Variants in ITPRIP observed in about 807,000 individuals in gnomAD.
The protein encoded by ITPRIP is inositol 1,4,5-trisphosphate receptor-interacting protein.
A neutral mutation model predicts 35.8 loss-of-function variants in ITPRIP; 32 were observed. That is an observed-to-expected ratio of 0.89 (90% CI 0.68 to 1.20). ITPRIP has a LOEUF of 1.20. Ranked by LOEUF, ITPRIP falls within the 50% of genes most tolerant of loss-of-function variation. The pLI is 0.00. For missense variants in ITPRIP, 653 were observed against 735.6 expected (o/e 0.89, Z 1.30); for synonymous variants, 358 against 324.0 (o/e 1.11, Z -1.13).
rs1388627843 is a variant in ITPRIP at position 104,312,847 on chromosome 10, T to C, written c.*1561A>G. ...AGTTGGTTATGCTCTCGGGAAGGCA[T>C]GGCCGGCTTAAACCCTGGAGGAACA... On this transcript the variant is annotated 3_prime_UTR_variant, in exon 2 of 2. Transcript: ENST00000337478. 1.0e-6 allele frequency: 1 copy of C among 985,290 alleles called. No individual in the cohort carries two copies. The highest frequency in any genetic ancestry group is 1.2e-6 in the Non-Finnish European group (1 of 829,964). The allele number at this position is 985,290 out of a possible 1,614,324, so 61.0% of individuals were successfully genotyped here.
At chr10:104,330,187 A>C (rs1281442437) in intron 1 of ITPRIP, among the ~76,000 whole-genome samples, 1 of 152,256 alleles carries the variant, frequency 6.6e-6, no homozygotes, top group Non-Finnish European at 1.5e-5. Flanking sequence ...CTTGCTGAAT[A>C]CATGAATGGA....
At chr10:104,321,779 A>G (rs1248210143) in intron 1 of ITPRIP, among the ~76,000 whole-genome samples, 1 of 150,452 alleles carries the variant, frequency 6.6e-6, no homozygotes, top group East Asian at 2.0e-4. Context: ...TGGGTTAACC[A>G]AAGTCCAAGA....
intron 1 of ITPRIP, among the ~76,000 whole-genome samples, chr10:104,322,516 G>A (rs902077147): frequency 3.9e-5 from 6 of 152,238 alleles, no homozygotes; most frequent in Non-Finnish European, 7.3e-5. Flanking sequence ...GCTGGGCCCA[G>A]TATCTGTGTC....
intron 1 of ITPRIP, among the ~76,000 whole-genome samples, chr10:104,322,616 G>A (rs544825703): frequency 1.3e-5 from 2 of 152,276 alleles, no homozygotes; most frequent in South Asian, 4.1e-4. Flanking sequence ...GGAGGGTGGG[G>A]CTCCTGCAGT....
rs2013536789 is a variant in ITPRIP at position 104,313,336 on chromosome 10, CTACTGTCT to C, written c.*1064_*1071del. The C allele has an allele frequency of 8.1e-6, 8 of 986,342 alleles. No homozygotes were observed. The highest frequency in any genetic ancestry group is 9.6e-6 in the Non-Finnish European group (8 of 830,500). 61.1% of individuals were successfully genotyped at this position (986,342 alleles called of 1,614,324 possible). On this transcript the variant is annotated 3_prime_UTR_variant, in exon 2 of 2. Transcript: ENST00000337478. ...TTTTTGAGCACCTCATCGAAGGAGT[CTACTGTCT>C]TACAGCAGAGACTTCGCTGCAGGAC...
At chr10:104,320,118 TCCCTTTC>T (rs2013806355) in intron 1 of ITPRIP, among the ~76,000 whole-genome samples, 1 of 152,150 alleles carries the variant, frequency 6.6e-6, no homozygotes, top group African/African-American at 2.4e-5. Context: ...AGAATCTCCT[TCCCTTTC>T]CAGGTCTCTC....
At chr10:104,325,433 C>T (rs1426700104) in intron 1 of ITPRIP, among the ~76,000 whole-genome samples, 1 of 152,202 alleles carries the variant, frequency 6.6e-6, no homozygotes, top group Non-Finnish European at 1.5e-5. Flanking sequence ...CAAACCTAGG[C>T]CTGATTACTC....
Position 104,314,783 on chromosome 10 carries a change from G to T in ITPRIP, c.1269C>A (p.Thr423=), listed in dbSNP as rs528588716. ...SFLLSKQSRL[T]GPSGLSSYHL... ...GGTAGCTGCTGAGCCCGCTGGGACC[G>T]GTCAGGCGGCTCTGCTTGGAGAGCA... Residue 423 remains threonine (T), a synonymous_variant, in exon 2 of 2, where the codon ACC becomes ACA. Transcript: ENST00000337478. 2 of 1,613,880 alleles carry T rather than the reference G, an allele frequency of 1.2e-6. No individual in the cohort carries two copies. The highest frequency in any genetic ancestry group is 1.7e-6 in the Non-Finnish European group (2 of 1,180,010).
Position 104,313,708 on chromosome 10 carries a change from T to C in ITPRIP, c.*700A>G, listed in dbSNP as rs1202461305. 5 of 985,178 alleles carry C rather than the reference T, an allele frequency of 5.1e-6. No individual in the cohort carries two copies. Among genetic ancestry groups the C allele is most frequent in the Non-Finnish European group, 6.0e-6 (5 of 829,932 alleles). The allele number at this position is 985,178 out of a possible 1,614,324, so 61.0% of individuals were successfully genotyped here. On this transcript the variant is annotated 3_prime_UTR_variant, in exon 2 of 2. Transcript: ENST00000337478. Reference sequence around the variant, plus strand: ...GAAGGGGGTGCACCTGAGTGAGAAGTGTAGGGTGCAGCTGAGTGAGAAGTG... The same window carrying C: ...GAAGGGGGTGCACCTGAGTGAGAAGCGTAGGGTGCAGCTGAGTGAGAAGTG...
chr10:104,315,147 T>C lies in ITPRIP; in HGVS notation c.905A>G (p.Lys302Arg), dbSNP rs1278569738. ...SLYLDTMQVM[K>R]WFQTALTRAW... ...TCTGGTGAGGGCCGTCTGGAACCAC[T>C]TCATGACCTGCATCGTGTCCAGGTA... is the stretch of plus-strand genomic sequence containing the variant. Residue 302 changes from lysine to arginine, a missense_variant, in exon 2 of 2, where the codon AAG becomes AGG. Transcript: ENST00000337478. This position sits in a 1 kb window ranked among gnomAD's most constrained non-coding sequence, Gnocchi z 5.7. 1 of 1,614,114 alleles carries C rather than the reference T, an allele frequency of 6.2e-7. No homozygotes were observed. The highest frequency in any genetic ancestry group is 8.5e-7 in the Non-Finnish European group (1 of 1,179,982).
At position 104,328,369 on chromosome 10, in the gene ITPRIP, G is replaced by A; in HGVS notation, c.-14+9877C>T. The A allele has an allele frequency of 2.4e-6, 2 of 829,646 alleles. No homozygotes were observed. The highest frequency in any genetic ancestry group is 2.9e-6 in the Non-Finnish European group (2 of 687,998). 51.4% of individuals were successfully genotyped at this position (829,646 alleles called of 1,614,324 possible). ...GAATACCCACCTTGGGGCAGGACAT[G>A]CCAGAGTTCCCAAGAGTCGTCCCCT... On this transcript the variant is annotated intron_variant, in intron 1 of 1. Transcript: ENST00000337478. The surrounding 1 kb of genome is among the most constrained non-coding windows in gnomAD (Gnocchi z 4.1).
In ITPRIP at chr10:104,313,168, T is replaced by C; in HGVS notation, c.*1240A>G. 1 of 985,486 alleles carries C rather than the reference T, an allele frequency of 1.0e-6. No homozygotes were observed. Among genetic ancestry groups the C allele is most frequent in the Non-Finnish European group, 1.2e-6 (1 of 830,016 alleles). 61.0% of individuals were successfully genotyped at this position (985,486 alleles called of 1,614,324 possible). A position where few individuals can be genotyped will look rare whatever the true frequency, so the allele number is the denominator to read the frequency against. ...CCTGCAGACTGGAGCTAGGTTTCCA[T>C]AGTTCTTGCTTCCATGCACACCCTG... On this transcript the variant is annotated 3_prime_UTR_variant, in exon 2 of 2. Transcript: ENST00000337478.
chr10:104,320,574 G>C (rs1315165998), intron 1 of ITPRIP, among the ~76,000 whole-genome samples: 1 of 139,496 alleles, frequency 7.2e-6, no homozygotes, highest in Non-Finnish European at 1.5e-5. Flanking sequence ...GTCTCACTCT[G>C]TCGCCTGGGC....
rs142344646 is a variant in ITPRIP, at chr10:104,327,312, T to C, written c.-14+10934A>G. Among the ~76,000 whole-genome samples the C allele has an allele frequency of 2.5e-4, 38 of 152,190 alleles. No individual in the cohort carries two copies. In the East Asian group the frequency reaches 6.8e-3, roughly 27 times the overall value. ...CAACCCTGCACGTCTCCCCTCCCCA[T>C]TTCAAGGGAGTCTTGTTTCCATGGG... On this transcript the variant is annotated intron_variant, in intron 1 of 1. Coordinates refer to ENST00000337478, the MANE Select transcript of ITPRIP (RefSeq NM_001272013.2).
intron 1 of ITPRIP, among the ~76,000 whole-genome samples, chr10:104,317,253 T>C (rs2013716171): frequency 6.6e-6 from 1 of 152,206 alleles, no homozygotes; most frequent in South Asian, 2.1e-4. Context: ...TTCTTAATTG[T>C]GAAAGGAGGC....
intron 1 of ITPRIP, among the ~76,000 whole-genome samples, chr10:104,325,738 C>T (rs531508688): frequency 1.1e-4 from 16 of 152,298 alleles, no homozygotes; most frequent in Middle Eastern, 3.4e-3. Flanking sequence ...TGTGCACACG[C>T]GGACAGCAGA....
At chr10:104,325,958 G>A (rs1445874047) in intron 1 of ITPRIP, among the ~76,000 whole-genome samples, 7 of 152,182 alleles carry the variant, frequency 4.6e-5, no homozygotes, top group African/African-American at 1.7e-4. Flanking sequence ...AGAGAGGGGA[G>A]AGCTCCACCC....
At chr10:104,337,088 G>C (rs576106843) in intron 1 of ITPRIP, among the ~76,000 whole-genome samples, 1 of 152,122 alleles carries the variant, frequency 6.6e-6, no homozygotes, top group Admixed American at 6.5e-5. Context: ...GGGCTGGAGG[G>C]AGGACTCAAA....
chr10:104,332,269 C>T (rs1478634594), intron 1 of ITPRIP, among the ~76,000 whole-genome samples: 1 of 151,904 alleles, frequency 6.6e-6, no homozygotes, highest in Admixed American at 6.6e-5. Flanking sequence ...ATGTCATATC[C>T]ATAACGGTGG....
Sources: allele counts gnomAD v4.1 joint callset (sites outside exome capture counted in the v4.1 genomes callset), GRCh38; gene constraint gnomAD v4.1.1; non-coding constraint Gnocchi (gnomAD v3.1); transcripts MANE v1.5; gene names NCBI Gene and HGNC (gene_info 2026-07-23, HGNC 2026-07-21).